ANXA10: variants seen among roughly 807,000 people sequenced by gnomAD.
ANXA10 encodes the protein annexin A10.
In ANXA10, 49 loss-of-function variants were observed where a neutral mutation model predicts 53.5. The observed-to-expected ratio is 0.92, with a 90% CI of 0.73 to 1.16. The LOEUF is 1.16. Ranked by LOEUF, ANXA10 falls within the 50% of genes most tolerant of loss-of-function variation. The pLI is 0.00. For synonymous variants in ANXA10, 131 were observed against 128.9 expected (o/e 1.02, Z -0.11); for missense variants, 393 against 394.4 (o/e 1.00, Z 0.03).
At chr4:168,140,078 A>G (rs996651759) in intron 3 of ANXA10, among the ~76,000 whole-genome samples, 1 of 152,250 alleles carries the variant, frequency 6.6e-6, no homozygotes, top group Non-Finnish European at 1.5e-5. Flanking sequence ...AGACCATTAA[A>G]AAAGAATGGC....
chr4:168,108,888 G>A lies in ANXA10; in HGVS notation c.18+16170G>A, dbSNP rs74716116. 2.0e-3 allele frequency among the ~76,000 whole-genome samples: 308 copies of A among 152,238 alleles called. 1 individual carries two copies. The highest frequency in any genetic ancestry group is 6.8e-3 in the African/African-American group (284 of 41,540). On this transcript the variant is annotated intron_variant, in intron 1 of 11. Coordinates refer to ENST00000359299, the MANE Select transcript of ANXA10 (RefSeq NM_007193.5). ...CTCATTCCCCATGGCAGGACAAGGA[G>A]GTCTCAGAGAACACTATCACCTCTA...
chr4:168,143,316 T>G (rs1268104441), intron 3 of ANXA10, among the ~76,000 whole-genome samples: 3 of 152,252 alleles, frequency 2.0e-5, no homozygotes, highest in Non-Finnish European at 2.9e-5. Context: ...ATTTTAAATT[T>G]TCATTAACAA....
At position 168,178,283 on chromosome 4, in the gene ANXA10, A is replaced by G. The variant is rs558339974; in HGVS notation, c.628+300A>G. On this transcript the variant is annotated intron_variant, in intron 8 of 11. Transcript: ENST00000359299. The stretch of plus-strand genomic sequence containing the variant: ...AGCTGTTTCCTATTAGGTATATTAT[A>G]TGTTGTCTTGCAAAATGCATAGTAA... The G allele has an allele frequency of 6.0e-5, 20 of 333,892 alleles. 1 individual carries two copies. Among genetic ancestry groups the G allele is most frequent in the Admixed American group, 1.8e-4 (4 of 21,886 alleles). 20.7% of individuals were successfully genotyped at this position (333,892 alleles called of 1,614,324 possible). A position where few individuals can be genotyped will look rare whatever the true frequency, so the allele number is the denominator to read the frequency against.
At chr4:168,142,984 G>T (rs1731349757) in intron 3 of ANXA10, among the ~76,000 whole-genome samples, 1 of 152,138 alleles carries the variant, frequency 6.6e-6, no homozygotes, top group Non-Finnish European at 1.5e-5. Flanking sequence ...TGGCATAGAA[G>T]AGGCATTTCA....
At chr4:168,172,510 TA>T (rs1419050058) in intron 6 of ANXA10, among the ~76,000 whole-genome samples, 1 of 152,342 alleles carries the variant, frequency 6.6e-6, no homozygotes, top group East Asian at 1.9e-4. Context: ...GTCTGCTATC[TA>T]AAGTTATTTC....
At chr4:168,136,331 T>C (rs1236170877) in intron 2 of ANXA10, among the ~76,000 whole-genome samples, 9 of 152,144 alleles carry the variant, frequency 5.9e-5, no homozygotes, top group African/African-American at 2.2e-4. Context: ...CAGCATTAAC[T>C]CAAGAGTCCA....
At chr4:168,144,396 AG>A (rs1731374874) in intron 3 of ANXA10, among the ~76,000 whole-genome samples, 1 of 152,176 alleles carries the variant, frequency 6.6e-6, no homozygotes, top group Non-Finnish European at 1.5e-5. Context: ...CATGTTGGCC[AG>A]GCTGGTCTCA....
intron 1 of ANXA10, among the ~76,000 whole-genome samples, chr4:168,106,514 G>A (rs1213293757): frequency 1.3e-5 from 2 of 151,968 alleles, no homozygotes; most frequent in African/African-American, 2.4e-5. Context: ...TAGAATGAAT[G>A]ATAATTACTA....
chr4:168,177,801 G>T lies in ANXA10; in HGVS notation c.534+8G>T. 2 of 1,614,148 alleles carry T rather than the reference G, an allele frequency of 1.2e-6. No individual in the cohort carries two copies. The highest frequency in any genetic ancestry group is 2.2e-5 in the South Asian group (2 of 91,076). On this transcript the variant is annotated splice_region_variant and intron_variant, in intron 7 of 11. Transcript: ENST00000359299. ...GCTGCTCAGGATGCAATGGTAACTA[G>T]AACCAGTTCTCAGACTGACTGCAAA...
At chr4:168,174,650 A>G (rs1732083971) in intron 6 of ANXA10, among the ~76,000 whole-genome samples, 1 of 152,224 alleles carries the variant, frequency 6.6e-6, no homozygotes, top group South Asian at 2.1e-4. Context: ...GCACAGAAAA[A>G]AAATCCTGTG....
chr4:168,156,509 T>C (rs1185032752), intron 3 of ANXA10, among the ~76,000 whole-genome samples: 1 of 144,890 alleles, frequency 6.9e-6, no homozygotes, highest in Non-Finnish European at 1.5e-5. Context: ...TTTTGTTTTG[T>C]TTTGTTTTTT....
intron 2 of ANXA10, among the ~76,000 whole-genome samples, chr4:168,129,363 G>A (rs1022230152): frequency 2.0e-5 from 3 of 152,120 alleles, no homozygotes; most frequent in African/African-American, 7.2e-5. Context: ...TTTTTATTGA[G>A]GAGTGCAATT....
chr4:168,127,063 G>A (rs1731081445), intron 1 of ANXA10, among the ~76,000 whole-genome samples: 1 of 152,158 alleles, frequency 6.6e-6, no homozygotes, highest in East Asian at 1.9e-4. Context: ...CTCATCTGCT[G>A]TGGGAAGGCA....
intron 6 of ANXA10, among the ~76,000 whole-genome samples, chr4:168,166,359 GATAT>G (rs1731877971): frequency 6.6e-6 from 1 of 152,178 alleles, no homozygotes; most frequent in Non-Finnish European, 1.5e-5. Context: ...CTGGCTAAAT[GATAT>G]ATAAGTATTT....
chr4:168,117,935 A>ACTCACTCACTCC (rs1210476558), intron 1 of ANXA10, among the ~76,000 whole-genome samples: 2 of 146,456 alleles, frequency 1.4e-5, no homozygotes, highest in African/African-American at 5.3e-5. Context: ...TCACTCACTC[A>ACTCACTCACTCC]CTCCCTCCCT....
intron 1 of ANXA10, among the ~76,000 whole-genome samples, chr4:168,118,831 G>A (rs1730940159): frequency 6.6e-6 from 1 of 152,132 alleles, no homozygotes; most frequent in South Asian, 2.1e-4. Flanking sequence ...TTTACTTGGA[G>A]AAAGAAATAA....
chr4:168,181,660 C>T (rs1474590559), intron 9 of ANXA10, 23 bp from the exon 10 acceptor site: 4 of 1,580,340 alleles, frequency 2.5e-6, no homozygotes, highest in African/African-American at 1.3e-5. Flanking sequence ...AATGTTTCTT[C>T]TTCTCTCTCT....
At chr4:168,145,310 T>A (rs1374926044) in intron 3 of ANXA10, among the ~76,000 whole-genome samples, 1 of 152,252 alleles carries the variant, frequency 6.6e-6, no homozygotes, top group East Asian at 1.9e-4. Context: ...AGGTTCAGAA[T>A]GTCACAGCCT....
chr4:168,131,981 TG>T (rs1731162540), intron 2 of ANXA10, among the ~76,000 whole-genome samples: 1 of 152,090 alleles, frequency 6.6e-6, no homozygotes, highest in African/African-American at 2.4e-5. Context: ...TAACAAATGT[TG>T]GCAAGAATGT....
Sources: gnomAD v4.1 joint callset for allele counts (sites outside exome capture counted in the v4.1 genomes callset) on GRCh38, gnomAD v4.1.1 for gene constraint, MANE v1.5 for transcripts, NCBI Gene and HGNC (gene_info 2026-07-23, HGNC 2026-07-21) for gene names.